Variants in ZNF560 observed in about 807,000 individuals in gnomAD.
ZNF560 encodes the protein zinc finger protein 560.
Under a neutral mutation model 81.8 loss-of-function variants are expected in ZNF560, and 54 were observed. The observed-to-expected ratio is 0.66, with a 90% CI of 0.53 to 0.83. The LOEUF (loss-of-function observed/expected upper bound fraction) is 0.83, where lower values mean the gene tolerates loss of function less well. Ranked by LOEUF, ZNF560 falls within the 40% of genes least tolerant of loss-of-function variation. The probability of loss-of-function intolerance (pLI) is 0.00; values close to 1 mark genes in which losing one functional copy is unlikely to be tolerated. For missense variants in ZNF560, 940 were observed against 932.4 expected, an observed-to-expected ratio of 1.01 and a Z score of -0.11; for synonymous variants, 321 against 317.9, an observed-to-expected ratio of 1.01 and a Z score of -0.10.
intron 2 of ZNF560, among the ~76,000 whole-genome samples, chr19:9,488,668 T>G (rs1251473010): frequency 6.6e-6 from 1 of 152,188 alleles, no homozygotes; most frequent in East Asian, 1.9e-4. Context: ...AGGGAACATG[T>G]ATGGGATGGA....
chr19:9,471,068 G>A (rs576881098), intron 6 of ZNF560, among the ~76,000 whole-genome samples: 2 of 152,238 alleles, frequency 1.3e-5, no homozygotes, highest in African/African-American at 4.8e-5. Flanking sequence ...GTACCTACAA[G>A]AAAATGAGTC....
the ZNF560 span, among the ~76,000 whole-genome samples, chr19:9,451,919 T>C: frequency 6.6e-6 from 1 of 151,942 alleles, no homozygotes; most frequent in Non-Finnish European, 1.5e-5. Flanking sequence ...CTACCAAAAA[T>C]ACAAAAATTA....
At chr19:9,454,896 C>T in the ZNF560 span, among the ~76,000 whole-genome samples, 142 of 152,100 alleles carry the variant, frequency 9.3e-4, 2 homozygotes, top group East Asian at 0.026. Context: ...AGAACAGATC[C>T]GTCAACCACT....
rs2073019912 is a variant in ZNF560 at position 9,466,577 on chromosome 19, G to A, written c.2370C>T (p.His790=). 3 of 1,589,612 alleles carry A rather than the reference G, an allele frequency of 1.9e-6. No individual in the cohort carries two copies. Among genetic ancestry groups the A allele is most frequent in the East Asian group, 4.5e-5 (2 of 44,486 alleles). The change falls in exon 10 of 10, where the codon CAC becomes CAT. Residue 790 remains histidine, a synonymous_variant. Transcript: ENST00000301480. ...TTCACATCCACAGGGCTTCTCTCTA[G>A]TGTGTTTTCAAATGTGCAATACGAG... is the stretch of plus-strand genomic sequence containing the variant. The part of the protein sequence containing the change: ...FSARIAHLKT[H]
At chr19:9,505,977 A>ACTTTCTTTCTTT in the ZNF560 span, among the ~76,000 whole-genome samples, 1,048 of 150,012 alleles carry the variant, frequency 7.0e-3, 10 homozygotes, top group African/African-American at 0.025. Flanking sequence ...ATTCATATTT[A>ACTTTCTTTCTTT]CTTTCTTTCT....
chr19:9,500,536 G>A (rs1425408294), upstream of ZNF560, among the ~76,000 whole-genome samples: 1 of 151,902 alleles, frequency 6.6e-6, no homozygotes, highest in Non-Finnish European at 1.5e-5. Context: ...TTTCGTAAGT[G>A]CGTTTTGTCA....
intron 9 of ZNF560, 50 bp from the exon 10 acceptor site, chr19:9,468,384 A>T: frequency 7.6e-7 from 1 of 1,314,814 alleles, no homozygotes; most frequent in East Asian, 2.3e-5. Context: ...CAGACTTATT[A>T]ATAGATACCA....
At chr19:9,484,136 C>T (rs973502863) in intron 2 of ZNF560, among the ~76,000 whole-genome samples, 4 of 152,110 alleles carry the variant, frequency 2.6e-5, no homozygotes, top group Non-Finnish European at 4.4e-5. Flanking sequence ...TCTCAAGTAC[C>T]CAGAGACACA....
chr19:9,506,036 A>C, the ZNF560 span, among the ~76,000 whole-genome samples: 1 of 151,902 alleles, frequency 6.6e-6, no homozygotes, highest in Admixed American at 6.6e-5. Flanking sequence ...TCTGTTGCCC[A>C]GGCTGGAGTG....
At chr19:9,495,631 C>T (rs1350367451) in intron 2 of ZNF560, among the ~76,000 whole-genome samples, 1 of 152,112 alleles carries the variant, frequency 6.6e-6, no homozygotes, top group East Asian at 1.9e-4. Flanking sequence ...CACTTGAACC[C>T]AGGAGGCGGA....
intron 2 of ZNF560, among the ~76,000 whole-genome samples, chr19:9,486,852 T>C: frequency 6.6e-6 from 1 of 152,236 alleles, no homozygotes; most frequent in East Asian, 1.9e-4. Flanking sequence ...CCCTATCCTA[T>C]GTAGCTGTTA....
intron 2 of ZNF560, among the ~76,000 whole-genome samples, chr19:9,496,959 G>A (rs909475933): frequency 2.6e-5 from 4 of 151,816 alleles, no homozygotes; most frequent in Admixed American, 6.6e-5. Flanking sequence ...ATGAAATCCT[G>A]TCATTTTCAA....
At chr19:9,481,042 C>T (rs1057021167) in intron 2 of ZNF560, among the ~76,000 whole-genome samples, 1 of 148,884 alleles carries the variant, frequency 6.7e-6, no homozygotes, top group African/African-American at 2.5e-5. Flanking sequence ...TGAGATCATG[C>T]CACTGCATTC....
At chr19:9,460,239 C>T in the ZNF560 span, among the ~76,000 whole-genome samples, 7 of 152,140 alleles carry the variant, frequency 4.6e-5, no homozygotes, top group Non-Finnish European at 4.4e-5. Flanking sequence ...CCAACTGTCA[C>T]GAGCAACACT....
At chr19:9,493,679 C>T (rs940289649) in intron 2 of ZNF560, among the ~76,000 whole-genome samples, 1 of 152,010 alleles carries the variant, frequency 6.6e-6, no homozygotes, top group African/African-American at 2.4e-5. Flanking sequence ...TTGATTGTTA[C>T]GTATACATGT....
At chr19:9,445,892 A>G in the ZNF560 span, among the ~76,000 whole-genome samples, 87,547 of 151,922 alleles carry the variant, frequency 0.58, 26,029 homozygotes, top group African/African-American at 0.71. Context: ...TAGACTACAC[A>G]GAAGGTCATC....
chr19:9,492,564 A>C (rs1449247547), intron 2 of ZNF560, among the ~76,000 whole-genome samples: 1 of 152,230 alleles, frequency 6.6e-6, no homozygotes, highest in African/African-American at 2.4e-5. Flanking sequence ...GAAGTGCAAC[A>C]GTGGGAACAT....
At chr19:9,455,783 C>A in the ZNF560 span, among the ~76,000 whole-genome samples, 2 of 152,110 alleles carry the variant, frequency 1.3e-5, no homozygotes, top group East Asian at 1.9e-4. Flanking sequence ...ATATCAAGGC[C>A]TGTGACAGTA....
At chr19:9,481,480 C>A (rs1477711428) in intron 2 of ZNF560, among the ~76,000 whole-genome samples, 1 of 152,174 alleles carries the variant, frequency 6.6e-6, no homozygotes, top group Non-Finnish European at 1.5e-5. Flanking sequence ...TCAGAGTGAA[C>A]AGGCAACCTA....
Sources: allele counts gnomAD v4.1 joint callset (sites outside exome capture counted in the v4.1 genomes callset), GRCh38; gene constraint gnomAD v4.1.1; transcripts MANE v1.5; gene names NCBI Gene and HGNC (gene_info 2026-07-23, HGNC 2026-07-21).